CDH11: variants seen among roughly 807,000 people sequenced by gnomAD.
CDH11 encodes cadherin-11.
Under a neutral mutation model 67.8 loss-of-function variants are expected in CDH11, and 11 were observed. That is an observed-to-expected ratio of 0.16 (90% CI 0.10 to 0.27). CDH11 has a LOEUF of 0.27. Ranked by LOEUF, CDH11 falls within the 10% of genes least tolerant of loss-of-function variation. CDH11 has a pLI of 1.00. For synonymous variants in CDH11, 419 were observed against 400.0 expected, an observed-to-expected ratio of 1.05 and a Z score of -0.57; for missense variants, 847 against 1,031.2, an observed-to-expected ratio of 0.82 and a Z score of 2.45.
upstream of CDH11, among the ~76,000 whole-genome samples, chr16:65,122,855 G>T (rs1285071957): frequency 6.6e-6 from 1 of 152,174 alleles, no homozygotes; most frequent in Non-Finnish European, 1.5e-5. Context: ...TTGGGAGGGT[G>T]CCTTGGCCCC....
chr16:64,987,999 C>A, intron 7 of CDH11, 158 bp downstream of exon 7: 1 of 564,098 alleles, frequency 1.8e-6, no homozygotes, highest in Non-Finnish European at 3.1e-6. Flanking sequence ...GAATACAATT[C>A]TGTGATCTTC....
chr16:65,008,902 C>T (rs745744260), intron 2 of CDH11, among the ~76,000 whole-genome samples: 6 of 152,018 alleles, frequency 3.9e-5, no homozygotes, highest in East Asian at 3.9e-4. Flanking sequence ...GGGTGTTATC[C>T]GCCTAACATT....
At chr16:65,104,075 T>C in intron 1 of CDH11, among the ~76,000 whole-genome samples, 1 of 152,146 alleles carries the variant, frequency 6.6e-6, no homozygotes, top group Admixed American at 6.5e-5. Context: ...ATTATAAACA[T>C]ATAAAAGCTC....
intron 2 of CDH11, among the ~76,000 whole-genome samples, chr16:65,032,216 G>A (rs752422005): frequency 6.6e-6 from 1 of 151,730 alleles, no homozygotes; most frequent in Non-Finnish European, 1.5e-5. Flanking sequence ...GAGTGGCACC[G>A]TGGTTCATGC....
chr16:65,000,898 T>A (rs1212601230), intron 3 of CDH11, among the ~76,000 whole-genome samples: 1 of 151,454 alleles, frequency 6.6e-6, no homozygotes, highest in African/African-American at 2.4e-5. Flanking sequence ...AATAGTATTA[T>A]TTATTACTAA....
intron 3 of CDH11, among the ~76,000 whole-genome samples, chr16:65,002,953 G>A (rs1235154395): frequency 6.8e-6 from 1 of 146,502 alleles, no homozygotes; most frequent in South Asian, 2.1e-4. Context: ...TAATTGCTTA[G>A]GTAACTGTCT....
At chr16:65,112,456 C>T (rs2075176930) in intron 1 of CDH11, among the ~76,000 whole-genome samples, 1 of 152,162 alleles carries the variant, frequency 6.6e-6, no homozygotes, top group Non-Finnish European at 1.5e-5. Flanking sequence ...TTTAATGCTT[C>T]CTTTGGGGCC....
At chr16:65,058,638 A>G (rs145679881) in intron 1 of CDH11, among the ~76,000 whole-genome samples, 5 of 152,302 alleles carry the variant, frequency 3.3e-5, no homozygotes, top group African/African-American at 1.2e-4. Flanking sequence ...CATATGGTAA[A>G]GCATATTTCG....
Position 64,950,881 on chromosome 16 carries a change from C to T in CDH11, c.1780G>A (p.Gly594Arg), listed in dbSNP as rs779460515. ...STNTLTIKVC[G>R]CDVNGALLSC... The stretch of plus-strand genomic sequence containing the variant: ...AGCAGTGCCCCGTTCACGTCGCACC[C>T]GCAGACTTTGATGGTGAGGGTGTTG... The change falls in exon 12 of 13, where the codon GGG (glycine) becomes AGG (arginine). Residue 594 changes from glycine (G) to arginine (R), a missense_variant. Gly to Arg is a moderately radical substitution (Grantham distance 125, BLOSUM62 -2). Around this residue, in one of 2 missense-constraint regions of CDH11, gnomAD observed 612 missense variants for 678.7 expected, o/e 0.90. Transcript: ENST00000268603. 21 of 1,614,198 alleles carry T rather than the reference C, an allele frequency of 1.3e-5. No individual in the cohort carries two copies. Among genetic ancestry groups the T allele is most frequent in the Non-Finnish European group, 1.6e-5 (19 of 1,180,040 alleles).
Position 65,121,944 on chromosome 16 carries a change from G to A in CDH11, c.-362C>T, listed in dbSNP as rs1029075626. On this transcript the variant is annotated 5_prime_UTR_variant, in exon 1 of 13. Coordinates refer to ENST00000268603, the MANE Select transcript of CDH11 (RefSeq NM_001797.4). This position sits in a 1 kb window ranked among gnomAD's most constrained non-coding sequence, Gnocchi z 4.1. ...GTCCCTGGCGCAGGGCAAGCGCTGC[G>A]GTGTCAGTCCCGGCCCCAGTCCCGG... is the stretch of plus-strand genomic sequence containing the variant. 3 of 701,718 alleles carry A rather than the reference G, an allele frequency of 4.3e-6. No individual in the cohort carries two copies. Among genetic ancestry groups the A allele is most frequent in the African/African-American group, 1.7e-5 (1 of 57,196 alleles). The allele number at this position is 701,718 out of a possible 1,614,324, so 43.5% of individuals were successfully genotyped here. A position where few individuals can be genotyped will look rare whatever the true frequency, so the allele number is the denominator to read the frequency against.
At chr16:65,036,664 G>A (rs2073761000) in intron 2 of CDH11, among the ~76,000 whole-genome samples, 1 of 152,088 alleles carries the variant, frequency 6.6e-6, no homozygotes, top group African/African-American at 2.4e-5. Flanking sequence ...AACGTCATAT[G>A]TTCTACTAAG....
At position 64,991,819 on chromosome 16, in the gene CDH11, C is replaced by A; in HGVS notation, c.760G>T (p.Val254Leu). 6.2e-7 allele frequency: 1 copy of A among 1,613,982 alleles called. No individual in the cohort carries two copies. The highest frequency in any genetic ancestry group is 8.5e-7 in the Non-Finnish European group (1 of 1,179,894). Residue 254 changes from valine to leucine, a missense_variant, in exon 6 of 13, where the codon GTG becomes TTG. Around this residue, in one of 2 missense-constraint regions of CDH11, gnomAD observed 235 missense variants for 352.5 expected, o/e 0.67. Transcript: ENST00000268603. ...HMGGLSGTTK[V>L]TITLTDVNDN... The stretch of plus-strand genomic sequence containing the variant: ...TTGACATCGGTCAGTGTGATCGTCA[C>A]TTTGGTTGTCCCTGAGAGTCCGCCC...
At chr16:64,948,536 G>C (rs1425595450) in intron 12 of CDH11, 12 of 1,236,850 alleles carry the variant, frequency 9.7e-6, no homozygotes, top group Non-Finnish European at 1.3e-5. Flanking sequence ...CATCTTATAG[G>C]GGGTGATGGC....
chr16:65,026,303 A>G (rs2073533734), intron 2 of CDH11, among the ~76,000 whole-genome samples: 1 of 152,206 alleles, frequency 6.6e-6, no homozygotes, highest in Non-Finnish European at 1.5e-5. Flanking sequence ...TCCACTGCCC[A>G]GATAAGAAAA....
At position 64,974,023 on chromosome 16, in the gene CDH11, C is replaced by T. The variant is rs143623272; in HGVS notation, c.1254-983G>A. Reference sequence around the variant, plus strand: ...TGAAGATTTTAGTTACTCCCACCCACTAAGTTAACTTTTTACTAATAACGG... The same window carrying T: ...TGAAGATTTTAGTTACTCCCACCCATTAAGTTAACTTTTTACTAATAACGG... On this transcript the variant is annotated intron_variant, in intron 8 of 12. Coordinates refer to ENST00000268603, the MANE Select transcript of CDH11 (RefSeq NM_001797.4). Among the ~76,000 whole-genome samples, 223 of 152,166 alleles carry T rather than the reference C, an allele frequency of 1.5e-3. 2 individuals are homozygous for T. The highest frequency in any genetic ancestry group is 5.1e-3 in the African/African-American group (212 of 41,512).
intron 2 of CDH11, among the ~76,000 whole-genome samples, chr16:65,015,805 C>T (rs1319362483): frequency 1.3e-5 from 2 of 152,126 alleles, no homozygotes; most frequent in Non-Finnish European, 2.9e-5. Context: ...AGGAATTGTC[C>T]CTAGGTGGCC....
intron 8 of CDH11, among the ~76,000 whole-genome samples, chr16:64,980,476 T>C (rs1480240090): frequency 6.6e-6 from 1 of 152,096 alleles, no homozygotes; most frequent in African/African-American, 2.4e-5. Flanking sequence ...CTGGAAGAAT[T>C]CCTATAGGAG....
intron 2 of CDH11, among the ~76,000 whole-genome samples, chr16:65,047,009 G>A (rs910858337): frequency 2.6e-5 from 4 of 152,176 alleles, no homozygotes; most frequent in African/African-American, 9.7e-5. Context: ...CTCTGGGACT[G>A]AGGCTGAGGC....
rs935722298 is a variant in CDH11 at position 64,943,981 on chromosome 16, C to A, written c.*3622G>T. The A allele has an allele frequency of 9.1e-5, 21 of 231,554 alleles. No homozygotes were observed. Among genetic ancestry groups the A allele is most frequent in the Non-Finnish European group, 1.4e-4 (16 of 117,118 alleles). The allele number at this position is 231,554 out of a possible 1,614,324, so 14.3% of individuals were successfully genotyped here. On this transcript the variant is annotated 3_prime_UTR_variant, in exon 13 of 13. Coordinates refer to ENST00000268603, the MANE Select transcript of CDH11 (RefSeq NM_001797.4). The stretch of plus-strand genomic sequence containing the variant: ...AAAATAACAAGGGTGACCTGCTTTC[C>A]ATGGAAAAGGAACGTGTTTTTTTTT...
Sources: gnomAD v4.1 joint callset for allele counts (sites outside exome capture counted in the v4.1 genomes callset) on GRCh38, gnomAD v4.1.1 for gene constraint, gnomAD v4.1.1 regional missense constraint, Gnocchi (gnomAD v3.1) non-coding constraint, MANE v1.5 for transcripts, NCBI Gene and HGNC (gene_info 2026-07-23, HGNC 2026-07-21) for gene names.